Variants in HECW1 observed in about 807,000 individuals in gnomAD.
HECW1 encodes the protein HECT, C2 and WW domain containing E3 ubiquitin protein ligase 1.
A neutral mutation model predicts 182.3 loss-of-function variants in HECW1; 61 were observed. That is an observed-to-expected ratio of 0.33 (90% CI 0.27 to 0.41). The LOEUF (loss-of-function observed/expected upper bound fraction) is 0.41. HECW1 is among the 10% of genes least tolerant of loss of function. The pLI, the probability that HECW1 is intolerant of heterozygous loss-of-function variation, is 1.00. For missense variants in HECW1, 1,739 were observed against 2,108.9 expected, an observed-to-expected ratio of 0.82 and a Z score of 3.44; for synonymous variants, 859 against 832.6, an observed-to-expected ratio of 1.03 and a Z score of -0.55.
At chr7:43,549,390 T>A (rs1427150718) in intron 26 of HECW1, among the ~76,000 whole-genome samples, 2 of 152,240 alleles carry the variant, frequency 1.3e-5, no homozygotes, top group East Asian at 3.8e-4. Context: ...TTTAGGTACC[T>A]GTGTCCACAA....
chr7:43,311,934 A>T lies in HECW1; in HGVS notation c.199A>T (p.Thr67Ser). The change falls in exon 4 of 30, where the codon ACC (threonine) becomes TCC (serine). Residue 67 changes from threonine (T) to serine (S), a missense_variant. Thr to Ser is a moderately conservative substitution (Grantham distance 58). Coordinates refer to ENST00000395891, the MANE Select transcript of HECW1 (RefSeq NM_015052.5). Reference sequence around the variant, plus strand: ...CGATGGCGTCACCATTCCCCGCTCCACCAGCGACACTGACCTGGTCACCTC... The same window carrying T: ...CGATGGCGTCACCATTCCCCGCTCCTCCAGCGACACTGACCTGGTCACCTC... Reference protein sequence around the residue: ...PHDGVTIPRSTSDTDLVTSDS... With the variant: ...PHDGVTIPRSSSDTDLVTSDS... 6.2e-7 allele frequency: 1 copy of T among 1,614,200 alleles called. No individual in the cohort carries two copies. The highest frequency in any genetic ancestry group is 8.5e-7 in the Non-Finnish European group (1 of 1,180,030).
chr7:43,199,709 AT>A (rs1293953389), intron 2 of HECW1, among the ~76,000 whole-genome samples: 2 of 152,202 alleles, frequency 1.3e-5, no homozygotes, highest in African/African-American at 4.8e-5. Flanking sequence ...CATGTTATAT[AT>A]TTTTAGTAGA....
chr7:43,215,693 G>T (rs953558045), intron 2 of HECW1, among the ~76,000 whole-genome samples: 1 of 152,156 alleles, frequency 6.6e-6, no homozygotes, highest in African/African-American at 2.4e-5. Flanking sequence ...TTTGGTAAAT[G>T]GTCCATGGAT....
At chr7:43,143,496 G>A (rs757396920) in intron 2 of HECW1, among the ~76,000 whole-genome samples, 4 of 151,828 alleles carry the variant, frequency 2.6e-5, no homozygotes, top group Non-Finnish European at 4.4e-5. Context: ...ATGCTACCCA[G>A]GCTCGTCTTG....
In HECW1 at chr7:43,169,683, T is replaced by C. The variant is rs563254027; in HGVS notation, c.-32+55292T>C. ...GCTTTTCTTATCTTTGTATCTTTTT[T>C]TCTTTTCTTTTTTTTTTTTTTTTTT... is the stretch of plus-strand genomic sequence containing the variant. On this transcript the variant is annotated intron_variant, in intron 2 of 29. Transcript: ENST00000395891. Among the ~76,000 whole-genome samples, 31 of 141,128 alleles carry C rather than the reference T, an allele frequency of 2.2e-4. No homozygotes were observed. The South Asian group carries it at 6.3e-3, about 29-fold the overall frequency. 92.6% of individuals were successfully genotyped at this position (141,128 alleles called of 152,430 possible). A position where few individuals can be genotyped will look rare whatever the true frequency, so the allele number is the denominator to read the frequency against.
chr7:43,552,378 G>C (rs372116387), intron 28 of HECW1, 42 bp downstream of exon 28: 35 of 1,187,286 alleles, frequency 2.9e-5, no homozygotes, highest in Non-Finnish European at 4.4e-5. Context: ...ATCACAAATA[G>C]AACTCAGCAC....
intron 2 of HECW1, among the ~76,000 whole-genome samples, chr7:43,151,696 C>T (rs1789345146): frequency 6.6e-6 from 1 of 152,016 alleles, no homozygotes; most frequent in Admixed American, 6.6e-5. Flanking sequence ...GAGGGGTTTT[C>T]ACAGAACATA....
intron 17 of HECW1, among the ~76,000 whole-genome samples, chr7:43,488,559 T>A (rs2078810048): frequency 1.3e-5 from 2 of 151,728 alleles, no homozygotes; most frequent in African/African-American, 4.8e-5. Context: ...TGCAGTGAGA[T>A]TCAAATCAGT....
chr7:43,352,954 G>A (rs1240625286), intron 5 of HECW1, among the ~76,000 whole-genome samples: 1 of 152,018 alleles, frequency 6.6e-6, no homozygotes, highest in Non-Finnish European at 1.5e-5. Context: ...TAGGAAGGTG[G>A]GGGGGCAGGG....
intron 2 of HECW1, among the ~76,000 whole-genome samples, chr7:43,203,653 T>C (rs569314441): frequency 2.3e-3 from 353 of 152,306 alleles, no homozygotes; most frequent in African/African-American, 8.1e-3. Flanking sequence ...AGACAGGGTT[T>C]CGCCATATTG....
chr7:43,139,864 T>A (rs1583656542), intron 2 of HECW1, among the ~76,000 whole-genome samples: 1 of 152,322 alleles, frequency 6.6e-6, no homozygotes, highest in African/African-American at 2.4e-5. Context: ...TCCCAACCAT[T>A]ACTGTCTGGG....
chr7:43,317,301 A>G (rs986166339), intron 4 of HECW1, among the ~76,000 whole-genome samples: 4 of 152,142 alleles, frequency 2.6e-5, no homozygotes, highest in Non-Finnish European at 1.5e-5. Flanking sequence ...GCCGGTGGAG[A>G]GACAGCCGCC....
intron 2 of HECW1, among the ~76,000 whole-genome samples, chr7:43,209,779 G>T (rs1045076383): frequency 2.6e-5 from 4 of 152,180 alleles, no homozygotes; most frequent in Non-Finnish European, 4.4e-5. Flanking sequence ...CTGAATGCTG[G>T]CAGGAAGGAG....
intron 2 of HECW1, among the ~76,000 whole-genome samples, chr7:43,202,883 G>A (rs189751771): frequency 3.9e-5 from 6 of 152,198 alleles, no homozygotes; most frequent in South Asian, 2.1e-4. Flanking sequence ...GCTCCCCAAC[G>A]GAGCACCTTG....
chr7:43,311,789 C>T lies in HECW1; in HGVS notation c.54C>T (p.Gly18=). The T allele has an allele frequency of 6.2e-7, 1 of 1,613,958 alleles. No homozygotes were observed. The highest frequency in any genetic ancestry group is 8.5e-7 in the Non-Finnish European group (1 of 1,179,880). ...ATCTGTACCAGAACAGGTTTTTAGG[C>T]CTGGCCGCCATGGCGTCTCCTTCTA... ...VKNLYQNRFL[G]LAAMASPSRN... is the part of the protein sequence containing the mutation. The change falls in exon 4 of 30, where the codon GGC becomes GGT. Residue 18 remains glycine, a synonymous_variant. Coordinates refer to ENST00000395891, the MANE Select transcript of HECW1 (RefSeq NM_015052.5).
At chr7:43,193,908 C>T (rs148421708) in intron 2 of HECW1, among the ~76,000 whole-genome samples, 38 of 152,284 alleles carry the variant, frequency 2.5e-4, no homozygotes, top group African/African-American at 7.9e-4. Flanking sequence ...GAATGCCCCC[C>T]ACAAGAGACA....
intron 5 of HECW1, among the ~76,000 whole-genome samples, chr7:43,350,912 G>A (rs547400258): frequency 7.9e-5 from 12 of 152,320 alleles, no homozygotes; most frequent in African/African-American, 2.4e-4. Context: ...TGGTGCACTA[G>A]TGTGATTTTT....
Position 43,311,572 on chromosome 7 carries a change from C to T in HECW1, c.28-191C>T, listed in dbSNP as rs901001086. 1.1e-4 allele frequency: 80 copies of T among 759,068 alleles called. 1 individual carries two copies. The highest frequency in any genetic ancestry group is 8.1e-4 in the South Asian group (60 of 73,714). 47.0% of individuals were successfully genotyped at this position (759,068 alleles called of 1,614,324 possible). On this transcript the variant is annotated intron_variant, in intron 3 of 29. Coordinates refer to ENST00000395891, the MANE Select transcript of HECW1 (RefSeq NM_015052.5). ...TGGTGCACTTGTGTTTTTGTTCTTG[C>T]TGTCCCCGTGTGAACCCAGAGCTGC...
chr7:43,511,788 G>A (rs545092854), intron 24 of HECW1: 2 of 178,326 alleles, frequency 1.1e-5, no homozygotes, highest in African/African-American at 4.7e-5. Context: ...TTGTGCCCCT[G>A]AGTGGCTCGT....
Sources: gnomAD v4.1 joint callset for allele counts (sites outside exome capture counted in the v4.1 genomes callset) on GRCh38, gnomAD v4.1.1 for gene constraint, MANE v1.5 for transcripts, NCBI Gene and HGNC (gene_info 2026-07-23, HGNC 2026-07-21) for gene names.